ASL: variants seen among roughly 807,000 people sequenced by gnomAD.
ASL encodes argininosuccinate lyase, also known as argininosuccinase.
In ASL, 51 loss-of-function variants were observed where a neutral mutation model predicts 69.1. The ratio of observed to expected loss-of-function variants is 0.74; its 90% CI spans 0.59 to 0.93. The LOEUF is 0.93. Among genes scored for constraint, ASL ranks in the 40% least tolerant of loss-of-function variants. The pLI, the probability that ASL is intolerant of heterozygous loss-of-function variation, is 0.00. For missense variants in ASL, 540 were observed against 623.9 expected (o/e 0.87, Z 1.43); for synonymous variants, 241 against 247.6 (o/e 0.97, Z 0.25).
intron 8 of ASL, 103 bp downstream of exon 8, chr7:66,086,924 T>C: frequency 7.4e-7 from 1 of 1,348,200 alleles, no homozygotes; most frequent in South Asian, 1.3e-5. Context: ...GAAAACCGCC[T>C]TATCTGCTCA....
At chr7:66,082,558 C>CA (rs1786538950) in intron 4 of ASL, 107 bp downstream of exon 4, 1 of 1,274,452 alleles carries the variant, frequency 7.8e-7, no homozygotes, top group Non-Finnish European at 1.1e-6. Context: ...TGGCAGACAG[C>CA]ATGTGAGACC....
At chr7:66,079,090 T>C (rs906259588) in intron 2 of ASL, among the ~76,000 whole-genome samples, 1 of 152,024 alleles carries the variant, frequency 6.6e-6, no homozygotes, top group African/African-American at 2.4e-5. Flanking sequence ...TTTTTTTGTG[T>C]GTGTTTTCAG....
intron 2 of ASL, among the ~76,000 whole-genome samples, chr7:66,079,674 C>G (rs759864553): frequency 6.6e-6 from 1 of 152,114 alleles, no homozygotes; most frequent in Non-Finnish European, 1.5e-5. Context: ...GGCTGGAGTG[C>G]AGTGGCGTGA....
chr7:66,092,461 GAAAA>G (rs67457607), intron 15 of ASL, 92 bp from the exon 16 acceptor site: 212 of 985,874 alleles, frequency 2.2e-4, no homozygotes, highest in Non-Finnish European at 2.6e-4. Context: ...GTGTCAAAAA[GAAAA>G]AAAAAAAAAA....
intron 1 of ASL, 55 bp from the exon 2 acceptor site, chr7:66,075,984 C>G: frequency 6.6e-7 from 1 of 1,509,486 alleles, no homozygotes; most frequent in Non-Finnish European, 9.0e-7. Context: ...GGAGCCAGCC[C>G]GGCCCGGGGG....
In ASL at chr7:66,092,620, G is replaced by T. The variant is rs763635336; in HGVS notation, c.1207G>T (p.Val403Phe). The T allele has an allele frequency of 6.2e-7, 1 of 1,613,328 alleles. No individual in the cohort carries two copies. The highest frequency in any genetic ancestry group is 8.5e-7 in the Non-Finnish European group (1 of 1,180,012). ...KAVFMAETKG[V>F]ALNQLSLQEL... The stretch of plus-strand genomic sequence containing the variant: ...TGTGTTCATGGCCGAGACCAAGGGG[G>T]TCGCCCTCAACCAGCTGTCACTGCA... The change falls in exon 16 of 17, where the codon GTC becomes TTC. Residue 403 changes from valine to phenylalanine, a missense_variant. Physicochemically the swap from Val to Phe is conservative, Grantham distance 50. Coordinates refer to ENST00000304874, the MANE Select transcript of ASL (RefSeq NM_000048.4).
chr7:66,092,615 A>G lies in ASL; in HGVS notation c.1202A>G (p.Lys401Arg). The change falls in exon 16 of 17, where the codon AAG becomes AGG. Residue 401 changes from lysine (K) to arginine (R), a missense_variant. Physicochemically the swap from Lys to Arg is conservative, Grantham distance 26. Transcript: ENST00000304874. Reference protein sequence around the residue: ...SGKAVFMAETKGVALNQLSLQ... With the variant: ...SGKAVFMAETRGVALNQLSLQ... Reference sequence around the variant, plus strand: ...AAAGCTGTGTTCATGGCCGAGACCAAGGGGGTCGCCCTCAACCAGCTGTCA... The same window carrying G: ...AAAGCTGTGTTCATGGCCGAGACCAGGGGGGTCGCCCTCAACCAGCTGTCA... 1 of 1,613,238 alleles carries G rather than the reference A, an allele frequency of 6.2e-7. No individual in the cohort carries two copies. The highest frequency in any genetic ancestry group is 8.5e-7 in the Non-Finnish European group (1 of 1,180,000).
chr7:66,082,096 G>A, intron 3 of ASL, 99 bp downstream of exon 3: 1 of 1,426,406 alleles, frequency 7.0e-7, no homozygotes, highest in Non-Finnish European at 9.6e-7. Context: ...CCCATCTGTG[G>A]TTTCACATTG....
In ASL at chr7:66,087,406, C is replaced by T. The variant is rs369030197; in HGVS notation, c.655+20C>T. On this transcript the variant is annotated intron_variant, in intron 9 of 16. Transcript: ENST00000304874. ...GAGCAGGTGAGACGTCCTGCCCCTC[C>T]TCCCCAGGGAGAATCACCCTCAGCA... is the stretch of plus-strand genomic sequence containing the variant. The T allele has an allele frequency of 6.5e-5, 104 of 1,606,350 alleles. No individual in the cohort carries two copies. The highest frequency in any genetic ancestry group is 8.1e-5 in the Non-Finnish European group (96 of 1,179,850).
At chr7:66,089,243 G>A (rs756280770) in intron 12 of ASL, 33 bp from the exon 13 acceptor site, 4 of 1,611,198 alleles carry the variant, frequency 2.5e-6, no homozygotes, top group South Asian at 1.1e-5. Flanking sequence ...GCAGGATCCC[G>A]GGTCCAGCCC....
chr7:66,083,082 C>T lies in ASL; in HGVS notation c.354C>T (p.Val118=), dbSNP rs116121482. 129 of 1,613,842 alleles carry T rather than the reference C, an allele frequency of 8.0e-5. 2 individuals are homozygous for T. The East Asian group carries it at 2.1e-3, about 26-fold the overall frequency. Residue 118 remains valine, a synonymous_variant, in exon 6 of 17, where the codon GTC becomes GTT. Coordinates refer to ENST00000304874, the MANE Select transcript of ASL (RefSeq NM_000048.4). ...ACCATCTCCTCCTTGCACAGGTGGTCACAGACCTCAGGCTGTGGATGCGGC... is the reference window on the plus strand; with the variant it reads ...ACCATCTCCTCCTTGCACAGGTGGTTACAGACCTCAGGCTGTGGATGCGGC... ...HTGRSRNDQV[V]TDLRLWMRQT...
rs992808579 is a variant in ASL, at chr7:66,087,201, G to A, written c.603-133G>A. On this transcript the variant is annotated intron_variant, in intron 8 of 16. Coordinates refer to ENST00000304874, the MANE Select transcript of ASL (RefSeq NM_000048.4). Reference sequence around the variant, plus strand: ...CCAGGGAAGAGGCTAAGCGCCAGGTGGTTGCCCTGGCAACCAGGACTTGGT... The same window carrying A: ...CCAGGGAAGAGGCTAAGCGCCAGGTAGTTGCCCTGGCAACCAGGACTTGGT... 7.2e-5 allele frequency: 76 copies of A among 1,052,424 alleles called. No individual in the cohort carries two copies. The African/African-American group carries it at 9.7e-4, about 13-fold the overall frequency. 65.2% of individuals were successfully genotyped at this position (1,052,424 alleles called of 1,614,324 possible).
In ASL at chr7:66,087,464, G is replaced by A. The variant is rs138973946; in HGVS notation, c.655+78G>A. The A allele has an allele frequency of 1.2e-4, 177 of 1,533,460 alleles. No homozygotes were observed. In the African/African-American group the frequency reaches 2.1e-3, roughly 18 times the overall value. 95.0% of individuals were successfully genotyped at this position (1,533,460 alleles called of 1,614,324 possible). ...AGACCTGCAGACACACCTGAAACCA[G>A]AGGGCAGGGGCCTGTGGCTCCTGGT... On this transcript the variant is annotated intron_variant, in intron 9 of 16. Transcript: ENST00000304874.
chr7:66,083,975 G>A (rs1228467272), intron 6 of ASL, among the ~76,000 whole-genome samples: 1 of 152,172 alleles, frequency 6.6e-6, no homozygotes, highest in Non-Finnish European at 1.5e-5. Flanking sequence ...CTGCTGAGAA[G>A]TCTCCATGTG....
chr7:66,086,455 A>G (rs1236498564), intron 6 of ASL, 130 bp from the exon 7 acceptor site: 6 of 959,152 alleles, frequency 6.3e-6, no homozygotes, highest in Non-Finnish European at 9.7e-6. Context: ...AGATCACCAG[A>G]TCCCTCATTC....
At position 66,089,665 on chromosome 7, in the gene ASL, G is replaced by A. The variant is rs765440578; in HGVS notation, c.1032G>A (p.Gln344=). Residue 344 remains glutamine, a synonymous_variant, in exon 14 of 17, where the codon CAG becomes CAA. Coordinates refer to ENST00000304874, the MANE Select transcript of ASL (RefSeq NM_000048.4). ...EVSDTMSAVL[Q]VATGVISTLQ... ...CAGACACTATGAGTGCCGTGCTCCA[G>A]GTGGCCACTGGCGTCATCTCTACGC... is the stretch of plus-strand genomic sequence containing the variant. 6.2e-7 allele frequency: 1 copy of A among 1,613,898 alleles called. No homozygotes were observed. The highest frequency in any genetic ancestry group is 8.5e-7 in the Non-Finnish European group (1 of 1,180,034).
intron 1 of ASL, 45 bp from the exon 2 acceptor site, chr7:66,075,994 G>T: frequency 6.5e-7 from 1 of 1,536,356 alleles, no homozygotes; most frequent in Admixed American, 2.0e-5. Flanking sequence ...CGGCCCGGGG[G>T]ACCCTGCTGG....
rs112746476 is a variant in ASL at position 66,088,481 on chromosome 7, C to CAATA, written c.719-306_719-303dup. 2.3e-4 allele frequency among the ~76,000 whole-genome samples: 35 copies of CAATA among 152,108 alleles called. 1 individual carries two copies. Among genetic ancestry groups the CAATA allele is most frequent in the South Asian group, 6.2e-4 (3 of 4,808 alleles). On this transcript the variant is annotated intron_variant, in intron 10 of 16. Coordinates refer to ENST00000304874, the MANE Select transcript of ASL (RefSeq NM_000048.4). The stretch of plus-strand genomic sequence containing the variant: ...GTGCATTGGGAGCGAGACTCCATCT[C>CAATA]AATAAATAAATAAATAAATAAATGG...
intron 14 of ASL, among the ~76,000 whole-genome samples, chr7:66,090,348 AC>A (rs1349540455): frequency 1.3e-5 from 2 of 152,164 alleles, no homozygotes; most frequent in Non-Finnish European, 2.9e-5. Context: ...GTCGTAGCTC[AC>A]TGCAGCCTCA....
Sources: gnomAD v4.1 joint callset for allele counts (sites outside exome capture counted in the v4.1 genomes callset) on GRCh38, gnomAD v4.1.1 for gene constraint, MANE v1.5 for transcripts, NCBI Gene and HGNC (gene_info 2026-07-23, HGNC 2026-07-21) for gene names.